Variants in TGFBR3L observed in about 807,000 individuals in gnomAD.
The protein encoded by TGFBR3L is transforming growth factor-beta receptor type 3-like protein.
A neutral mutation model predicts 20.4 loss-of-function variants in TGFBR3L; 21 were observed. The ratio of observed to expected loss-of-function variants is 1.03; its 90% CI spans 0.73 to 1.48. The LOEUF is 1.48. TGFBR3L is among the 40% of genes most tolerant of loss of function. TGFBR3L has a pLI of 0.00. For missense variants in TGFBR3L, 479 were observed against 498.0 expected (o/e 0.96, Z 0.36); for synonymous variants, 245 against 244.2 (o/e 1.00, Z -0.03).
At position 7,917,470 on chromosome 19, in the gene TGFBR3L, C is replaced by A; in HGVS notation, c.598-3C>A. On this transcript the variant is annotated splice_polypyrimidine_tract_variant and splice_region_variant and intron_variant, in intron 2 of 5. Transcript: ENST00000565886. ...GTCTCTTCCCCACCTTCCTCTCCCC[C>A]AGTGTCTGCCTCAGGACGAGGCGTG... is the stretch of plus-strand genomic sequence containing the variant. The A allele has an allele frequency of 8.5e-6, 13 of 1,524,778 alleles. No individual in the cohort carries two copies. The highest frequency in any genetic ancestry group is 1.1e-5 in the Non-Finnish European group (13 of 1,142,382). 94.5% of individuals were successfully genotyped at this position (1,524,778 alleles called of 1,614,324 possible). A position where few individuals can be genotyped will look rare whatever the true frequency, so the allele number is the denominator to read the frequency against.
chr19:7,917,843 C>G lies in TGFBR3L; in HGVS notation c.867C>G (p.Leu289=). The G allele has an allele frequency of 7.3e-7, 1 of 1,378,278 alleles. No individual in the cohort carries two copies. Among genetic ancestry groups the G allele is most frequent in the Non-Finnish European group, 9.3e-7 (1 of 1,074,172 alleles). The allele number at this position is 1,378,278 out of a possible 1,614,324, so 85.4% of individuals were successfully genotyped here. ...CCGCGCTGGCCGCCGGGCTGGGTCTCGTCTGTGCGCACTCAGGTACCGACG... is the reference window on the plus strand; with the variant it reads ...CCGCGCTGGCCGCCGGGCTGGGTCTGGTCTGTGCGCACTCAGGTACCGACG... The change falls in exon 4 of 6, where the codon CTC becomes CTG. Residue 289 remains leucine (L), a synonymous_variant. Transcript: ENST00000565886.
rs1024773396 is a variant in TGFBR3L, at chr19:7,914,976, C to T, written c.-1292C>T. 3.3e-5 allele frequency among the ~76,000 whole-genome samples: 5 copies of T among 152,118 alleles called. No individual in the cohort carries two copies. The highest frequency in any genetic ancestry group is 7.4e-5 in the Non-Finnish European group (5 of 68,016). ...CTGTCATGCTTCTATCCCTGTTTCA[C>T]CCTCTTTATTTTTTTTGAGATGGAG... On this transcript the variant is annotated 5_prime_UTR_variant, in exon 1 of 6. Coordinates refer to ENST00000565886, the MANE Select transcript of TGFBR3L (RefSeq NM_001195259.2).
rs1310640107 is a variant in TGFBR3L, at chr19:7,916,165, GGGCGCAT to G, written c.-99_-93del. The G allele has an allele frequency of 6.9e-7, 1 of 1,453,474 alleles. No homozygotes were observed. The highest frequency in any genetic ancestry group is 9.0e-7 in the Non-Finnish European group (1 of 1,106,054). The allele number at this position is 1,453,474 out of a possible 1,614,324, so 90.0% of individuals were successfully genotyped here. ...TCGCCAGCTTCGGAGGCTTCTCTAGGGGCGCATGGCTCTGCAACCGGCTCAGTTGCTG... is the reference window on the plus strand; with the variant it reads ...TCGCCAGCTTCGGAGGCTTCTCTAGGGGCTCTGCAACCGGCTCAGTTGCTG... On this transcript the variant is annotated 5_prime_UTR_variant, in exon 1 of 6. Transcript: ENST00000565886.
rs1346658442 is a variant in TGFBR3L at position 7,915,315 on chromosome 19, T to C, written c.-953T>C. ...TCAACTAGACCTTTGGTGGTGGTCC[T>C]CATGGGGGTGGGGACAGGGCAGGGG... On this transcript the variant is annotated 5_prime_UTR_variant, in exon 1 of 6. Coordinates refer to ENST00000565886, the MANE Select transcript of TGFBR3L (RefSeq NM_001195259.2). Among the ~76,000 whole-genome samples the C allele has an allele frequency of 6.6e-6, 1 of 151,250 alleles. No homozygotes were observed. Among genetic ancestry groups the C allele is most frequent in the Non-Finnish European group, 1.5e-5 (1 of 67,828 alleles).
In TGFBR3L at chr19:7,917,840, T is replaced by C. The variant is rs1983384631; in HGVS notation, c.864T>C (p.Gly288=). 1.4e-6 allele frequency: 2 copies of C among 1,380,026 alleles called. No homozygotes were observed. Among genetic ancestry groups the C allele is most frequent in the East Asian group, 3.0e-5 (1 of 33,316 alleles). The allele number at this position is 1,380,026 out of a possible 1,614,324, so 85.5% of individuals were successfully genotyped here. The change falls in exon 4 of 6, where the codon GGT becomes GGC. Residue 288 remains glycine, a synonymous_variant. Transcript: ENST00000565886. ...GCGCCGCGCTGGCCGCCGGGCTGGGTCTCGTCTGTGCGCACTCAGGTACCG... is the reference window on the plus strand; with the variant it reads ...GCGCCGCGCTGGCCGCCGGGCTGGGCCTCGTCTGTGCGCACTCAGGTACCG...
At position 7,918,097 on chromosome 19, in the gene TGFBR3L, C is replaced by A. The variant is rs1159538236; in HGVS notation, c.924C>A (p.Ser308Arg). 2 of 1,535,102 alleles carry A rather than the reference C, an allele frequency of 1.3e-6. No homozygotes were observed. Among genetic ancestry groups the A allele is most frequent in the East Asian group, 4.9e-5 (2 of 40,918 alleles). ...GCCCGCCCGCGAGAGCCTCGCCCAG[C>A]GGTCCCCAGCCCAGGAGGTCCCAGT... The change falls in exon 5 of 6, where the codon AGC becomes AGA. Residue 308 changes from serine to arginine, a missense_variant. Transcript: ENST00000565886.
Position 7,917,822 on chromosome 19 carries a change from G to A in TGFBR3L, c.846G>A (p.Ala282=). Residue 282 remains alanine, a synonymous_variant, in exon 4 of 6, where the codon GCG becomes GCA. Transcript: ENST00000565886. ...TGGCAGCCTTCGTGCTGGGCGCCGC[G>A]CTGGCCGCCGGGCTGGGTCTCGTCT... 1 of 1,390,966 alleles carries A rather than the reference G, an allele frequency of 7.2e-7. No homozygotes were observed. Among genetic ancestry groups the A allele is most frequent in the Non-Finnish European group, 9.3e-7 (1 of 1,080,248 alleles). 86.2% of individuals were successfully genotyped at this position (1,390,966 alleles called of 1,614,324 possible). A position where few individuals can be genotyped will look rare whatever the true frequency, so the allele number is the denominator to read the frequency against.
In TGFBR3L at chr19:7,916,696, G is replaced by C; in HGVS notation, c.351G>C (p.Pro117=). 1 of 1,440,198 alleles carries C rather than the reference G, an allele frequency of 6.9e-7. No homozygotes were observed. The highest frequency in any genetic ancestry group is 9.0e-7 in the Non-Finnish European group (1 of 1,105,870). 89.2% of individuals were successfully genotyped at this position (1,440,198 alleles called of 1,614,324 possible). Residue 117 remains proline (P), a synonymous_variant, in exon 2 of 6, where the codon CCG becomes CCC. Transcript: ENST00000565886. ...GCTCAGTGACGCCGTCCTCACGCCC[G>C]GCCCCGGGGCCCGCCCTGGCTCTGC...
chr19:7,914,994 A>T lies in TGFBR3L; in HGVS notation c.-1274A>T, dbSNP rs906456084. Among the ~76,000 whole-genome samples the T allele has an allele frequency of 2.6e-5, 4 of 151,796 alleles. 1 individual carries two copies. On this transcript the variant is annotated 5_prime_UTR_variant, in exon 1 of 6. Transcript: ENST00000565886. Reference sequence around the variant, plus strand: ...TGTTTCACCCTCTTTATTTTTTTTGAGATGGAGTCTTGCTCTGCCACGCAG... The same window carrying T: ...TGTTTCACCCTCTTTATTTTTTTTGTGATGGAGTCTTGCTCTGCCACGCAG...
At position 7,917,871 on chromosome 19, in the gene TGFBR3L, C is replaced by A; in HGVS notation, c.883+12C>A. 7.3e-7 allele frequency: 1 copy of A among 1,369,290 alleles called. No homozygotes were observed. Among genetic ancestry groups the A allele is most frequent in the South Asian group, 1.7e-5 (1 of 57,830 alleles). The allele number at this position is 1,369,290 out of a possible 1,614,324, so 84.8% of individuals were successfully genotyped here. Reference sequence around the variant, plus strand: ...CTGTGCGCACTCAGGTACCGACGACCTCCGCCAAGCCGGGCCCCCAGTCTA... The same window carrying A: ...CTGTGCGCACTCAGGTACCGACGACATCCGCCAAGCCGGGCCCCCAGTCTA... On this transcript the variant is annotated intron_variant, in intron 4 of 5. Transcript: ENST00000565886.
Position 7,915,335 on chromosome 19 carries a change from C to T in TGFBR3L, c.-933C>T, listed in dbSNP as rs545699362. On this transcript the variant is annotated 5_prime_UTR_variant, in exon 1 of 6. Coordinates refer to ENST00000565886, the MANE Select transcript of TGFBR3L (RefSeq NM_001195259.2). ...GGTCCTCATGGGGGTGGGGACAGGG[C>T]AGGGGAGTGGGGTGGGGTCTCTGTC... is the stretch of plus-strand genomic sequence containing the variant. 2.0e-5 allele frequency among the ~76,000 whole-genome samples: 3 copies of T among 151,754 alleles called. No individual in the cohort carries two copies. Among genetic ancestry groups the T allele is most frequent in the Admixed American group, 2.0e-4 (3 of 15,244 alleles).
intron 2 of TGFBR3L, 158 bp downstream of exon 3, chr19:7,917,100 C>A: frequency 8.9e-7 from 1 of 1,127,666 alleles, no homozygotes; most frequent in Non-Finnish European, 1.1e-6. Flanking sequence ...AGAGTTTCTC[C>A]GGGGACAGTG....
intron 4 of TGFBR3L, 33 bp downstream of exon 5, chr19:7,917,892 G>A (rs929995619): frequency 2.2e-5 from 30 of 1,381,268 alleles, no homozygotes; most frequent in Non-Finnish European, 2.8e-5. Flanking sequence ...CGGGCCCCCA[G>A]TCTAATCCCG....
rs1265054237 is a variant in TGFBR3L at position 7,915,091 on chromosome 19, C to A, written c.-1177C>A. ...CCCGGTTCAAGTGATTCTCCTGCCT[C>A]AGCCTCCTGAGTAGCTGGGACTACA... On this transcript the variant is annotated 5_prime_UTR_variant, in exon 1 of 6. Transcript: ENST00000565886. Among the ~76,000 whole-genome samples the A allele has an allele frequency of 6.6e-6, 1 of 152,212 alleles. No individual in the cohort carries two copies. The highest frequency in any genetic ancestry group is 2.4e-5 in the African/African-American group (1 of 41,444).
At chr19:7,917,912 A>T (rs943826559) in intron 4 of TGFBR3L, 53 bp downstream of exon 5, 1 of 1,380,276 alleles carries the variant, frequency 7.2e-7, no homozygotes, top group African/African-American at 1.5e-5. Context: ...GCGCGTCGGG[A>T]CCCGGGGCGG....
chr19:7,918,224 TTTG>T (rs1983408420), intron 5 of TGFBR3L, 95 bp downstream of exon 6: 157 of 1,156,756 alleles, frequency 1.4e-4, no homozygotes, highest in Middle Eastern at 2.1e-4. Context: ...GGTTTTTTTG[TTTG>T]TTTGTTTGTT....
In TGFBR3L at chr19:7,916,807, C is replaced by T; in HGVS notation, c.462C>T (p.Phe154=). Reference sequence around the variant, plus strand: ...CGGGTGCCGCCCGCCCCGCGCGTTTCAGCTTCCGCCTGCGCCCGGTCTTCA... The same window carrying T: ...CGGGTGCCGCCCGCCCCGCGCGTTTTAGCTTCCGCCTGCGCCCGGTCTTCA... Residue 154 remains phenylalanine (F), a synonymous_variant, in exon 2 of 6, where the codon TTC becomes TTT. Transcript: ENST00000565886. The T allele has an allele frequency of 6.7e-7, 1 of 1,483,280 alleles. No homozygotes were observed. The highest frequency in any genetic ancestry group is 8.9e-7 in the Non-Finnish European group (1 of 1,122,046). 91.9% of individuals were successfully genotyped at this position (1,483,280 alleles called of 1,614,324 possible).
Position 7,914,903 on chromosome 19 carries a change from C to T in TGFBR3L, c.-1365C>T, listed in dbSNP as rs1035267745. On this transcript the variant is annotated 5_prime_UTR_variant, in exon 1 of 6. Transcript: ENST00000565886. The stretch of plus-strand genomic sequence containing the variant: ...CTGGCCCTGCTCCCAGGGATCACCA[C>T]CTTACCCAGCGGGCCACCTGGTATG... 1.3e-5 allele frequency among the ~76,000 whole-genome samples: 2 copies of T among 152,222 alleles called. No homozygotes were observed. Among genetic ancestry groups the T allele is most frequent in the African/African-American group, 2.4e-5 (1 of 41,452 alleles).
chr19:7,916,292 G>A lies in TGFBR3L; in HGVS notation c.25G>A (p.Ala9Thr). 6.5e-7 allele frequency: 1 copy of A among 1,535,264 alleles called. No individual in the cohort carries two copies. The highest frequency in any genetic ancestry group is 8.7e-7 in the Non-Finnish European group (1 of 1,146,634). ...CATGGGTGAATCGGCCGCCGCAACC[G>A]CATCCCTTTTCCAAAGGCGGCGGCG... is the stretch of plus-strand genomic sequence containing the variant. The change falls in exon 1 of 6, where the codon GCA (alanine) becomes ACA (threonine). Residue 9 changes from alanine to threonine, a missense_variant. Transcript: ENST00000565886.
Sources: gnomAD v4.1 joint callset for allele counts (sites outside exome capture counted in the v4.1 genomes callset) on GRCh38, gnomAD v4.1.1 for gene constraint, MANE v1.5 for transcripts, NCBI Gene and HGNC (gene_info 2026-07-23, HGNC 2026-07-21) for gene names.